ESYT2: variants seen among roughly 807,000 people sequenced by gnomAD.
ESYT2 encodes extended synaptotagmin-2.
In ESYT2, 54 loss-of-function variants were observed where a neutral mutation model predicts 107.2. The observed-to-expected ratio is 0.50, with a 90% CI of 0.40 to 0.63. The LOEUF (loss-of-function observed/expected upper bound fraction) is 0.63, where lower values mean the gene tolerates loss of function less well. Ranked by LOEUF, ESYT2 falls within the 30% of genes least tolerant of loss-of-function variation. The pLI is 0.00. For synonymous variants in ESYT2, 491 were observed against 434.1 expected (o/e 1.13, Z -1.63); for missense variants, 1,020 against 1,094.5 (o/e 0.93, Z 0.96).
At chr7:158,769,344 G>T (rs1838273865) in intron 7 of ESYT2, among the ~76,000 whole-genome samples, 1 of 152,178 alleles carries the variant, frequency 6.6e-6, no homozygotes, top group Admixed American at 6.5e-5. Flanking sequence ...CCACGCAGAG[G>T]CAGGACCCAC....
intron 6 of ESYT2, among the ~76,000 whole-genome samples, chr7:158,785,012 C>T (rs766332954): frequency 2.0e-5 from 3 of 152,200 alleles, no homozygotes; most frequent in African/African-American, 4.8e-5. Flanking sequence ...ACCCTAAAAC[C>T]GTATGCTGCC....
intron 1 of ESYT2, among the ~76,000 whole-genome samples, chr7:158,810,234 C>G (rs565569872): frequency 2.0e-5 from 3 of 152,214 alleles, no homozygotes; most frequent in Non-Finnish European, 4.4e-5. Context: ...TGAATGCTCA[C>G]AGCAGCATGA....
chr7:158,829,241 A>T lies in ESYT2; in HGVS notation c.178T>A (p.Phe60Ile). The T allele has an allele frequency of 6.5e-7, 1 of 1,528,576 alleles. No homozygotes were observed. The highest frequency in any genetic ancestry group is 1.4e-5 in the African/African-American group (1 of 70,856). The allele number at this position is 1,528,576 out of a possible 1,614,324, so 94.7% of individuals were successfully genotyped here. A position where few individuals can be genotyped will look rare whatever the true frequency, so the allele number is the denominator to read the frequency against. ...VYALGYLGLS[F>I]SWVLLALALL... ...GCGAGCGCGAGGAGAACCCAGCTGA[A>T]GCTGAGCCCCAGGTAGCCCAGCGCG... Residue 60 changes from phenylalanine (F) to isoleucine (I), a missense_variant, in exon 1 of 23, where the codon TTC becomes ATC. Coordinates refer to ENST00000275418, the MANE Select transcript of ESYT2 (RefSeq NM_001367773.1).
intron 10 of ESYT2, 99 bp from the exon 11 acceptor site, chr7:158,761,643 T>G: frequency 9.1e-7 from 1 of 1,099,476 alleles, no homozygotes; most frequent in Non-Finnish European, 1.4e-6. Context: ...TGAAACAACC[T>G]TAAGCATTTG....
At chr7:158,762,579 C>T (rs961825857) in intron 10 of ESYT2, among the ~76,000 whole-genome samples, 1 of 152,138 alleles carries the variant, frequency 6.6e-6, no homozygotes, top group Non-Finnish European at 1.5e-5. Flanking sequence ...CAAACAATAA[C>T]CATTTTAAAA....
At chr7:158,738,959 A>G (rs1837086515) in intron 19 of ESYT2, 64 bp downstream of exon 19, 2 of 1,484,388 alleles carry the variant, frequency 1.3e-6, no homozygotes, top group Non-Finnish European at 1.9e-6. Context: ...CGGTGTCTAC[A>G]TCATCCTATC....
intron 3 of ESYT2, among the ~76,000 whole-genome samples, chr7:158,794,423 G>A (rs1227767070): frequency 1.3e-5 from 2 of 152,360 alleles, no homozygotes; most frequent in East Asian, 3.9e-4. Context: ...GAGCACAGGA[G>A]TTTGAGGCTG....
At chr7:158,786,172 G>C (rs1839109171) in intron 6 of ESYT2, among the ~76,000 whole-genome samples, 1 of 152,180 alleles carries the variant, frequency 6.6e-6, no homozygotes, top group South Asian at 2.1e-4. Context: ...TATTTTAAAA[G>C]TAAAGTCATC....
chr7:158,777,141 G>A (rs1472233890), intron 6 of ESYT2, among the ~76,000 whole-genome samples: 1 of 152,106 alleles, frequency 6.6e-6, no homozygotes, highest in Admixed American at 6.5e-5. Flanking sequence ...GGGATTACAG[G>A]CGTGAGCCAC....
chr7:158,767,911 T>G, intron 7 of ESYT2, 137 bp from the exon 8 acceptor site: 2 of 974,500 alleles, frequency 2.1e-6, no homozygotes, highest in East Asian at 3.0e-5. Context: ...ATTCCTCCAG[T>G]GCAATATTTA....
chr7:158,777,178 G>A (rs146802962), intron 6 of ESYT2, among the ~76,000 whole-genome samples: 1,702 of 152,118 alleles, frequency 0.011, 26 homozygotes, highest in African/African-American at 0.039. Context: ...AGTGAGAGGC[G>A]TTCAACTCTG....
At position 158,734,360 on chromosome 7, in the gene ESYT2, T is replaced by C. The variant is rs3750052; in HGVS notation, c.2555+62A>G. The C allele has an allele frequency of 0.2, 324,136 of 1,610,728 alleles. 39,396 individuals carry two copies. The highest frequency in any genetic ancestry group is 0.59 in the East Asian group (26,226 of 44,822). On this transcript the variant is annotated intron_variant, in intron 22 of 22. Transcript: ENST00000275418. ...ACTGTCTGTGGGGGACACTACCCAC[T>C]GGGCGGGGAAAGCGTTTTTAGCTAC...
chr7:158,788,319 T>A (rs768405018), intron 5 of ESYT2, 26 bp downstream of exon 5: 28 of 1,583,042 alleles, frequency 1.8e-5, no homozygotes, highest in Non-Finnish European at 2.1e-5. Flanking sequence ...AACTGTCAAA[T>A]TAAAACAAAA....
At chr7:158,806,098 C>A (rs907074664) in intron 1 of ESYT2, among the ~76,000 whole-genome samples, 18 of 151,750 alleles carry the variant, frequency 1.2e-4, no homozygotes, top group South Asian at 4.2e-4. Flanking sequence ...CGGGGCACAC[C>A]GCGTGGGAGG....
chr7:158,759,444 T>C, intron 13 of ESYT2, 42 bp downstream of exon 13: 1 of 1,500,754 alleles, frequency 6.7e-7, no homozygotes, highest in Non-Finnish European at 9.2e-7. Context: ...GAGCAGCTGC[T>C]AGGAAATACG....
intron 7 of ESYT2, among the ~76,000 whole-genome samples, chr7:158,771,328 ATGTT>A (rs1392169657): frequency 1.3e-5 from 2 of 152,214 alleles, no homozygotes; most frequent in Non-Finnish European, 2.9e-5. Context: ...ATGTGTGTGG[ATGTT>A]TGTTCCATTT....
intron 16 of ESYT2, among the ~76,000 whole-genome samples, chr7:158,747,432 C>CA (rs1401387130): frequency 6.6e-6 from 1 of 151,180 alleles, no homozygotes; most frequent in East Asian, 1.9e-4. Flanking sequence ...AAAAGACAGG[C>CA]AAAAAAACTG....
rs1209539295 is a variant in ESYT2, at chr7:158,742,618, G to A, written c.1795-722C>T. Among the ~76,000 whole-genome samples the A allele has an allele frequency of 3.3e-5, 5 of 152,186 alleles. 1 individual carries two copies. The highest frequency in any genetic ancestry group is 1.2e-4 in the African/African-American group (5 of 41,440). On this transcript the variant is annotated intron_variant, in intron 17 of 22. Transcript: ENST00000275418. ...AACCTGACATGAGTGCAGGAGCAGGGGGTTCCCGCAGGGCCTGGGGTCTCC... is the reference window on the plus strand; with the variant it reads ...AACCTGACATGAGTGCAGGAGCAGGAGGTTCCCGCAGGGCCTGGGGTCTCC...
At chr7:158,814,290 TATATATA>T (rs1840080116) in intron 1 of ESYT2, among the ~76,000 whole-genome samples, 1 of 7,814 alleles carries the variant, frequency 1.3e-4, no homozygotes, top group South Asian at 5.4e-3. Flanking sequence ...AAAAAAATTA[TATATATA>T]TATATATATA....
Sources: allele counts gnomAD v4.1 joint callset (sites outside exome capture counted in the v4.1 genomes callset), GRCh38; gene constraint gnomAD v4.1.1; transcripts MANE v1.5; gene names NCBI Gene and HGNC (gene_info 2026-07-23, HGNC 2026-07-21).